EXOG: variants seen among roughly 807,000 people sequenced by gnomAD.
EXOG encodes exo/endonuclease G.
Under a neutral mutation model 25.8 loss-of-function variants are expected in EXOG, and 27 were observed. The ratio of observed to expected loss-of-function variants is 1.05; its 90% CI spans 0.77 to 1.45. The LOEUF (loss-of-function observed/expected upper bound fraction) is 1.45. EXOG is among the 40% of genes most tolerant of loss of function. The probability of loss-of-function intolerance (pLI) is 0.00; values close to 1 mark genes in which losing one functional copy is unlikely to be tolerated. For missense variants in EXOG, 458 were observed against 450.5 expected (o/e 1.02, Z -0.15); for synonymous variants, 133 against 167.0 (o/e 0.80, Z 1.57).
chr3:38,522,118 G>A (rs774376047), intron 5 of EXOG, among the ~76,000 whole-genome samples: 5 of 152,102 alleles, frequency 3.3e-5, no homozygotes, highest in African/African-American at 4.8e-5. Flanking sequence ...CAGTAACTTC[G>A]AAGACAGTTG....
At chr3:38,509,870 G>A (rs1272654433) in intron 5 of EXOG, among the ~76,000 whole-genome samples, 1 of 152,166 alleles carries the variant, frequency 6.6e-6, no homozygotes, top group East Asian at 1.9e-4. Flanking sequence ...TAATAAATTT[G>A]CGAGAATGAA....
intron 1 of EXOG, chr3:38,497,312 T>C: frequency 9.2e-7 from 1 of 1,085,292 alleles, no homozygotes; most frequent in South Asian, 3.1e-5. Flanking sequence ...ACAGCACACA[T>C]ATCAGTGCTT....
Position 38,524,076 on chromosome 3 carries a change from A to G in EXOG, c.821A>G (p.Lys274Arg). The G allele has an allele frequency of 6.2e-7, 1 of 1,614,156 alleles. No individual in the cohort carries two copies. The highest frequency in any genetic ancestry group is 8.5e-7 in the Non-Finnish European group (1 of 1,180,006). ...EFQVSLQDLE[K>R]LSGLVFFPHL... The stretch of plus-strand genomic sequence containing the variant: ...CAAGTGAGCCTCCAGGACCTAGAGA[A>G]GTTGTCAGGACTGGTGTTTTTTCCT... Residue 274 changes from lysine (K) to arginine (R), a missense_variant, in exon 6 of 6, where the codon AAG becomes AGG. This residue lies in a region of EXOG where 178 missense variants were observed against 203.7 expected (regional missense o/e 0.87). Coordinates refer to ENST00000287675, the MANE Select transcript of EXOG (RefSeq NM_005107.4).
chr3:38,524,952 C>T lies in EXOG; in HGVS notation c.*590C>T. On this transcript the variant is annotated 3_prime_UTR_variant, in exon 6 of 6. Transcript: ENST00000287675. ...TGTTGTACATTTTTCCCTCTAGGAC[C>T]TGAATTGGTCTTGGAGGCAGCTTTT... 4.1e-6 allele frequency: 4 copies of T among 985,502 alleles called. No homozygotes were observed. Among genetic ancestry groups the T allele is most frequent in the Non-Finnish European group, 4.8e-6 (4 of 830,010 alleles). 61.0% of individuals were successfully genotyped at this position (985,502 alleles called of 1,614,324 possible).
chr3:38,523,191 C>T (rs562808017), intron 5 of EXOG: 1 of 1,288,620 alleles, frequency 7.8e-7, no homozygotes, highest in South Asian at 1.2e-5. Flanking sequence ...GTACCCAAGC[C>T]TGCAGTTTTG....
chr3:38,512,392 C>T (rs1463090196), intron 5 of EXOG, among the ~76,000 whole-genome samples: 2 of 152,104 alleles, frequency 1.3e-5, no homozygotes, highest in Non-Finnish European at 2.9e-5. Context: ...ATCCCACTGT[C>T]CAGTTTTTAT....
chr3:38,522,084 C>T (rs2060733487), intron 5 of EXOG, among the ~76,000 whole-genome samples: 1 of 152,192 alleles, frequency 6.6e-6, no homozygotes, highest in South Asian at 2.1e-4. Context: ...ATAGACTTTA[C>T]ACCACACCCC....
In EXOG at chr3:38,506,941, C is replaced by A; in HGVS notation, c.618C>A (p.Gly206=). The change falls in exon 5 of 6, where the codon GGC becomes GGA. Residue 206 remains glycine, a synonymous_variant. Coordinates refer to ENST00000287675, the MANE Select transcript of EXOG (RefSeq NM_005107.4). ...SGPLTLPQTR[G]DGKKIVSYQV... is the part of the protein sequence containing the mutation. ...CTTTGACCTTACCTCAGACTAGAGG[C>A]GATGGAAAGAAAATAGTTAGTTACC... is the stretch of plus-strand genomic sequence containing the variant. 2 of 1,571,248 alleles carry A rather than the reference C, an allele frequency of 1.3e-6. No individual in the cohort carries two copies. Among genetic ancestry groups the A allele is most frequent in the Non-Finnish European group, 1.8e-6 (2 of 1,141,682 alleles).
Position 38,525,921 on chromosome 3 carries a change from G to C in EXOG, c.*1559G>C, listed in dbSNP as rs1231426622. ...GTCATGCCACTGGACGCCAGCCTGG[G>C]CCACAGAGGGAGACCCTGTCTCAAA... On this transcript the variant is annotated 3_prime_UTR_variant, in exon 6 of 6. Coordinates refer to ENST00000287675, the MANE Select transcript of EXOG (RefSeq NM_005107.4). The C allele has an allele frequency of 1.2e-5, 11 of 943,772 alleles. No individual in the cohort carries two copies. The highest frequency in any genetic ancestry group is 1.4e-5 in the Non-Finnish European group (11 of 792,290). 58.5% of individuals were successfully genotyped at this position (943,772 alleles called of 1,614,324 possible). A position where few individuals can be genotyped will look rare whatever the true frequency, so the allele number is the denominator to read the frequency against.
intron 4 of EXOG, among the ~76,000 whole-genome samples, chr3:38,506,176 G>GA (rs999594481): frequency 6.8e-5 from 10 of 146,474 alleles, no homozygotes; most frequent in East Asian, 5.9e-4. Flanking sequence ...CTAAAAAAAA[G>GA]AAAAAAAAAA....
intron 3 of EXOG, among the ~76,000 whole-genome samples, chr3:38,502,472 ATTTAC>A (rs2125756712): frequency 6.6e-6 from 1 of 152,318 alleles, no homozygotes; most frequent in East Asian, 1.9e-4. Flanking sequence ...ACATTGATAC[ATTTAC>A]TTTACATATA....
intron 3 of EXOG, among the ~76,000 whole-genome samples, chr3:38,501,927 T>G (rs2060057630): frequency 6.6e-6 from 1 of 151,976 alleles, no homozygotes; most frequent in Admixed American, 6.6e-5. Flanking sequence ...TGTTTGTTTG[T>G]TTATTTATTT....
chr3:38,512,260 T>A (rs2060393836), intron 5 of EXOG, among the ~76,000 whole-genome samples: 1 of 152,232 alleles, frequency 6.6e-6, no homozygotes, highest in South Asian at 2.1e-4. Flanking sequence ...ATTATGCAAT[T>A]ATATGTGCAT....
Position 38,523,997 on chromosome 3 carries a change from G to C in EXOG, c.742G>C (p.Ala248Pro), listed in dbSNP as rs1414769082. 6.2e-7 allele frequency: 1 copy of C among 1,614,050 alleles called. No individual in the cohort carries two copies. The highest frequency in any genetic ancestry group is 8.5e-7 in the Non-Finnish European group (1 of 1,179,946). The change falls in exon 6 of 6, where the codon GCC (alanine) becomes CCC (proline). Residue 248 changes from alanine (A) to proline (P), a missense_variant. Physicochemically the swap from Ala to Pro is conservative, Grantham distance 27 (BLOSUM62 -1). This residue lies in a region of EXOG where 178 missense variants were observed against 203.7 expected (regional missense o/e 0.87). Coordinates refer to ENST00000287675, the MANE Select transcript of EXOG (RefSeq NM_005107.4). ...ATCTACCGAACCACTGGCGCTAGGG[G>C]CCTTTGTGGTACCCAATGAAGCCAT... is the stretch of plus-strand genomic sequence containing the variant. ...SVSTEPLALG[A>P]FVVPNEAIGF...
intron 4 of EXOG, among the ~76,000 whole-genome samples, chr3:38,506,323 T>C (rs1207628074): frequency 1.3e-5 from 2 of 152,234 alleles, no homozygotes; most frequent in Non-Finnish European, 2.9e-5. Flanking sequence ...ATTAAAAGCT[T>C]ATAGAGTAAA....
In EXOG at chr3:38,496,348, A is replaced by G. The variant is rs779921105; in HGVS notation, c.-20A>G. ...ATGCGCGCGCATGCGCCGTGGTAAA[A>G]GGCCGGTACCTCGGGCAAGATGGCT... On this transcript the variant is annotated 5_prime_UTR_variant, in exon 1 of 6. Coordinates refer to ENST00000287675, the MANE Select transcript of EXOG (RefSeq NM_005107.4). The G allele has an allele frequency of 2.0e-5, 32 of 1,606,344 alleles. No homozygotes were observed. Among genetic ancestry groups the G allele is most frequent in the Non-Finnish European group, 2.5e-5 (29 of 1,176,048 alleles).
intron 4 of EXOG, 25 bp from the exon 5 acceptor site, chr3:38,506,829 A>G: frequency 2.6e-6 from 3 of 1,154,304 alleles, no homozygotes; most frequent in Non-Finnish European, 3.9e-6. Context: ...TGAGAATATC[A>G]TACATTTTTT....
intron 2 of EXOG, chr3:38,499,960 G>T (rs1022473331): frequency 6.3e-6 from 2 of 316,352 alleles, no homozygotes; most frequent in Non-Finnish European, 1.2e-5. Flanking sequence ...AAAGACCTAA[G>T]ACTCACCCAA....
chr3:38,497,607 T>G, intron 1 of EXOG, 22 bp from the exon 2 acceptor site: 1 of 852,496 alleles, frequency 1.2e-6, no homozygotes, highest in Non-Finnish European at 1.5e-6. Context: ...GCCCCCCCTT[T>G]TTTTTTTTTT....
Sources: allele counts gnomAD v4.1 joint callset (sites outside exome capture counted in the v4.1 genomes callset), GRCh38; gene constraint gnomAD v4.1.1; regional missense constraint gnomAD v4.1.1; transcripts MANE v1.5; gene names NCBI Gene and HGNC (gene_info 2026-07-23, HGNC 2026-07-21).